Variants in LEF1 observed in about 807,000 individuals in gnomAD.
LEF1 encodes the protein lymphoid enhancer-binding factor 1.
A neutral mutation model predicts 51.2 loss-of-function variants in LEF1; 14 were observed. The observed-to-expected ratio is 0.27, with a 90% CI of 0.18 to 0.43. LEF1 has a LOEUF of 0.43. LEF1 is among the 20% of genes least tolerant of loss of function. LEF1 has a pLI of 1.00. For missense variants in LEF1, 386 were observed against 512.0 expected (o/e 0.75, Z 2.37); for synonymous variants, 185 against 183.2 (o/e 1.01, Z -0.08).
At chr4:108,109,264 AT>A (rs762906713) in intron 3 of LEF1, among the ~76,000 whole-genome samples, 3 of 152,228 alleles carry the variant, frequency 2.0e-5, no homozygotes, top group Non-Finnish European at 4.4e-5. Flanking sequence ...TCGGCGCTCA[AT>A]TCATTTCAAT....
chr4:108,102,560 TAGG>T (rs1740899371), intron 3 of LEF1, among the ~76,000 whole-genome samples: 1 of 152,112 alleles, frequency 6.6e-6, no homozygotes, highest in Non-Finnish European at 1.5e-5. Context: ...GGGAAGGAGA[TAGG>T]AGGCACCTAG....
chr4:108,138,354 G>A (rs1743428134), intron 3 of LEF1, among the ~76,000 whole-genome samples: 1 of 152,094 alleles, frequency 6.6e-6, no homozygotes, highest in Admixed American at 6.5e-5. Flanking sequence ...CAAGCCTATG[G>A]GTCGCTACTA....
At chr4:108,081,743 G>C (rs995997440) in intron 5 of LEF1, 74 bp from the exon 6 acceptor site, 2 of 959,880 alleles carry the variant, frequency 2.1e-6, no homozygotes, top group Non-Finnish European at 3.3e-6. Context: ...GTTGGATGAG[G>C]GGAGAAGAGG....
intron 11 of LEF1, among the ~76,000 whole-genome samples, chr4:108,053,738 A>G (rs1196762088): frequency 6.6e-6 from 1 of 152,216 alleles, no homozygotes; most frequent in African/African-American, 2.4e-5. Context: ...GGTGCAGGTC[A>G]TGACCGCTAG....
intron 3 of LEF1, among the ~76,000 whole-genome samples, chr4:108,089,553 C>T (rs1433938783): frequency 6.6e-6 from 1 of 152,120 alleles, no homozygotes; most frequent in African/African-American, 2.4e-5. Context: ...AATTTCTGTA[C>T]ATATATATTT....
chr4:108,141,387 C>T lies in LEF1; in HGVS notation c.414+22181G>A, dbSNP rs182007442. Among the ~76,000 whole-genome samples, 1,079 of 152,264 alleles carry T rather than the reference C, an allele frequency of 7.1e-3. 40 individuals are homozygous for T. Among genetic ancestry groups the T allele is most frequent in the Admixed American group, 0.066 (1,008 of 15,292 alleles). On this transcript the variant is annotated intron_variant, in intron 3 of 11. Coordinates refer to ENST00000265165, the MANE Select transcript of LEF1 (RefSeq NM_016269.5). ...GTATTTGTCATTGTGCCTCCCCCCC[C>T]GCCACATCATTCATATGTCTATAAT...
chr4:108,090,032 G>C (rs1033195533), intron 3 of LEF1, among the ~76,000 whole-genome samples: 2 of 151,982 alleles, frequency 1.3e-5, no homozygotes, highest in Non-Finnish European at 2.9e-5. Context: ...CCAGGCTGGA[G>C]TGCAGTGGTG....
At chr4:108,086,815 TACACACACACACTTAC>T (rs1263136331) in intron 4 of LEF1, among the ~76,000 whole-genome samples, 2 of 50,984 alleles carry the variant, frequency 3.9e-5, no homozygotes, top group Non-Finnish European at 5.4e-5. Flanking sequence ...TACTGTCCCT[TACACACACACACTTAC>T]ACACACACAC....
intron 3 of LEF1, among the ~76,000 whole-genome samples, chr4:108,123,677 T>C (rs1459429035): frequency 6.6e-6 from 1 of 152,152 alleles, no homozygotes; most frequent in African/African-American, 2.4e-5. Flanking sequence ...ATGTATTATG[T>C]ATATGTGATA....
At chr4:108,070,821 A>G (rs773519468) in intron 8 of LEF1, 51 bp from the exon 9 acceptor site, 1 of 1,196,656 alleles carries the variant, frequency 8.4e-7, no homozygotes, top group Non-Finnish European at 1.2e-6. Context: ...AAATAGCAAT[A>G]GCATATTTTA....
At chr4:108,163,204 G>A (rs1745168265) in intron 3 of LEF1, among the ~76,000 whole-genome samples, 1 of 152,078 alleles carries the variant, frequency 6.6e-6, no homozygotes, top group Non-Finnish European at 1.5e-5. Flanking sequence ...AAGCTTGTGG[G>A]CATTAAAAGC....
At chr4:108,166,847 G>C in intron 1 of LEF1, 1 of 983,614 alleles carries the variant, frequency 1.0e-6, no homozygotes, top group Non-Finnish European at 1.2e-6. Context: ...CTAGAGTTGG[G>C]GGCGGTACAG....
At chr4:108,083,785 T>C (rs1417010962) in intron 4 of LEF1, among the ~76,000 whole-genome samples, 4 of 152,226 alleles carry the variant, frequency 2.6e-5, no homozygotes, top group Non-Finnish European at 5.9e-5. Context: ...AGAATGAGAA[T>C]GTTTTTTTGT....
intron 3 of LEF1, among the ~76,000 whole-genome samples, chr4:108,110,640 G>GGGTC (rs1560797579): frequency 6.6e-6 from 1 of 152,108 alleles, no homozygotes; most frequent in Non-Finnish European, 1.5e-5. Flanking sequence ...CACATCATGC[G>GGGTC]GGTCTCCTAG....
intron 3 of LEF1, among the ~76,000 whole-genome samples, chr4:108,092,521 C>T (rs1484954221): frequency 1.3e-5 from 2 of 152,192 alleles, no homozygotes; most frequent in Non-Finnish European, 2.9e-5. Context: ...TCACAAGTTA[C>T]TGCCCCTTGA....
Position 108,089,274 on chromosome 4 carries a change from A to G in LEF1, c.415-17T>C. ...TTTATTTGACTGCAAAGTAACCACA[A>G]GGTCAATAGTTAATATGGATGCCCA... is the stretch of plus-strand genomic sequence containing the variant. On this transcript the variant is annotated splice_polypyrimidine_tract_variant and intron_variant, in intron 3 of 11. Coordinates refer to ENST00000265165, the MANE Select transcript of LEF1 (RefSeq NM_016269.5). 1.2e-6 allele frequency: 2 copies of G among 1,610,802 alleles called. No homozygotes were observed. The highest frequency in any genetic ancestry group is 1.7e-6 in the Non-Finnish European group (2 of 1,178,244).
At chr4:108,147,121 C>G (rs1342945354) in intron 3 of LEF1, among the ~76,000 whole-genome samples, 1 of 151,916 alleles carries the variant, frequency 6.6e-6, no homozygotes, top group South Asian at 2.1e-4. Context: ...GAGAGAGGCC[C>G]GGGAGGGAGG....
chr4:108,163,565 T>C lies in LEF1; in HGVS notation c.414+3A>G. 1 of 1,612,108 alleles carries C rather than the reference T, an allele frequency of 6.2e-7. No homozygotes were observed. The highest frequency in any genetic ancestry group is 1.1e-5 in the South Asian group (1 of 90,438). On this transcript the variant is annotated splice_donor_region_variant and intron_variant, in intron 3 of 11. Coordinates refer to ENST00000265165, the MANE Select transcript of LEF1 (RefSeq NM_016269.5). ...TAATTTGCAACATCAGCATGTTACTTACTGTTCTCGGGATGGGTGGAGAAA... is the reference window on the plus strand; with the variant it reads ...TAATTTGCAACATCAGCATGTTACTCACTGTTCTCGGGATGGGTGGAGAAA...
At chr4:108,084,211 G>GA (rs907293602) in intron 4 of LEF1, among the ~76,000 whole-genome samples, 1 of 151,856 alleles carries the variant, frequency 6.6e-6, no homozygotes, top group African/African-American at 2.4e-5. Context: ...AGGTACAGAA[G>GA]AAAAAAATGA....
Sources: allele counts gnomAD v4.1 joint callset (sites outside exome capture counted in the v4.1 genomes callset), GRCh38; gene constraint gnomAD v4.1.1; transcripts MANE v1.5; gene names NCBI Gene and HGNC (gene_info 2026-07-23, HGNC 2026-07-21).